Variants in NRG1 observed in about 807,000 individuals in gnomAD.
NRG1 encodes neuregulin 1.
Under a neutral mutation model 63.8 loss-of-function variants are expected in NRG1, and 18 were observed. The observed-to-expected ratio is 0.28, with a 90% CI of 0.19 to 0.42. The LOEUF is 0.42. Ranked by LOEUF, NRG1 falls within the 10% of genes least tolerant of loss-of-function variation. The pLI is 1.00. For synonymous variants in NRG1, 302 were observed against 301.3 expected, an observed-to-expected ratio of 1.00 and a Z score of -0.02; for missense variants, 762 against 814.7, an observed-to-expected ratio of 0.94 and a Z score of 0.79.
At chr8:31,829,546 T>C (rs1824905282) in intron 1 of NRG1, among the ~76,000 whole-genome samples, 1 of 152,236 alleles carries the variant, frequency 6.6e-6, no homozygotes, top group Admixed American at 6.5e-5. Flanking sequence ...TCATGTCTTA[T>C]AGCTACAAGT....
intron 5 of NRG1, among the ~76,000 whole-genome samples, chr8:32,682,525 A>G (rs1440944164): frequency 6.6e-6 from 1 of 152,158 alleles, no homozygotes; most frequent in African/African-American, 2.4e-5. Context: ...GCCTGCTTTT[A>G]ATTTTTCTAA....
At chr8:31,778,540 T>G (rs1187708919) in intron 1 of NRG1, among the ~76,000 whole-genome samples, 1 of 152,238 alleles carries the variant, frequency 6.6e-6, no homozygotes, top group African/African-American at 2.4e-5. Context: ...ACTGTACATC[T>G]AGTCAATGCT....
At chr8:31,943,623 G>A (rs1473576834) in intron 1 of NRG1, among the ~76,000 whole-genome samples, 1 of 152,162 alleles carries the variant, frequency 6.6e-6, no homozygotes, top group Non-Finnish European at 1.5e-5. Context: ...GAGTGAAACA[G>A]TGAAGAAAGG....
rs780871191 is a variant in NRG1, at chr8:32,556,116, A to T, written c.100+7290A>T. Among the ~76,000 whole-genome samples the T allele has an allele frequency of 4.9e-4, 75 of 152,232 alleles. 1 individual carries two copies. Among genetic ancestry groups the T allele is most frequent in the Non-Finnish European group, 1.0e-3 (70 of 68,030 alleles). ...TATGAAATTGTCAGTTTTGTAGGTC[A>T]TACCTGGCTGAATATTGTCCATGTC... On this transcript the variant is annotated intron_variant, in intron 1 of 11. Transcript: ENST00000356819.
chr8:31,742,169 T>G (rs919890300), intron 1 of NRG1, among the ~76,000 whole-genome samples: 3 of 151,962 alleles, frequency 2.0e-5, no homozygotes, highest in African/African-American at 7.2e-5. Flanking sequence ...TGTTTTGAAA[T>G]GCATTCATAT....
At chr8:32,760,788 T>C in intron 11 of NRG1, 1 of 1,021,268 alleles carries the variant, frequency 9.8e-7, no homozygotes, top group African/African-American at 1.7e-5. Context: ...CAATTGCCAG[T>C]TATCCAAACT....
Position 31,963,286 on chromosome 8 carries a change from C to T in NRG1, c.37+323855C>T, listed in dbSNP as rs11784272. Among the ~76,000 whole-genome samples the T allele has an allele frequency of 7.3e-3, 1,116 of 152,282 alleles. 9 individuals carry two copies. The highest frequency in any genetic ancestry group is 0.011 in the Non-Finnish European group (758 of 68,006). On this transcript the variant is annotated intron_variant, in intron 1 of 10. Transcript: ENST00000519301. Reference sequence around the variant, plus strand: ...TGGTCTAATCAACACAATGTGTCAGCTAAATATTTTGATCCATTATTTCAA... The same window carrying T: ...TGGTCTAATCAACACAATGTGTCAGTTAAATATTTTGATCCATTATTTCAA...
At chr8:32,175,478 C>T (rs1307026065) in intron 1 of NRG1, among the ~76,000 whole-genome samples, 1 of 152,122 alleles carries the variant, frequency 6.6e-6, no homozygotes, top group Non-Finnish European at 1.5e-5. Flanking sequence ...GAAGTTTTGG[C>T]CAGGGCTATC....
At chr8:32,312,157 GTTT>G (rs35888973) in intron 1 of NRG1, among the ~76,000 whole-genome samples, 2 of 74,398 alleles carry the variant, frequency 2.7e-5, no homozygotes, top group African/African-American at 1.1e-4. Flanking sequence ...GACCTTGTTT[GTTT>G]TTTTTTTTTT....
intron 1 of NRG1, among the ~76,000 whole-genome samples, chr8:31,821,520 A>G (rs1264007914): frequency 1.3e-5 from 2 of 152,222 alleles, no homozygotes; most frequent in Admixed American, 1.3e-4. Context: ...GAGCATCAGA[A>G]AAGCATTTGT....
chr8:32,686,422 A>G (rs1359282144), intron 5 of NRG1, among the ~76,000 whole-genome samples: 3 of 152,208 alleles, frequency 2.0e-5, no homozygotes, highest in Non-Finnish European at 4.4e-5. Flanking sequence ...TTTTCCTTCA[A>G]ATGACAGCTA....
At chr8:32,298,625 A>C (rs1266374572) in intron 1 of NRG1, among the ~76,000 whole-genome samples, 1 of 151,614 alleles carries the variant, frequency 6.6e-6, no homozygotes, top group African/African-American at 2.4e-5. Flanking sequence ...GAGGCAGGAG[A>C]ATCGCTTGAA....
intron 1 of NRG1, among the ~76,000 whole-genome samples, chr8:31,726,023 C>G (rs1250992665): frequency 6.6e-6 from 1 of 151,966 alleles, no homozygotes; most frequent in Non-Finnish European, 1.5e-5. Flanking sequence ...TTGGAGATTG[C>G]TACATATTTA....
At chr8:32,071,377 T>A (rs895946040) in intron 1 of NRG1, among the ~76,000 whole-genome samples, 1 of 152,204 alleles carries the variant, frequency 6.6e-6, no homozygotes, top group African/African-American at 2.4e-5. Context: ...ACTTGGTTTA[T>A]ATGTGAATGA....
intron 1 of NRG1, among the ~76,000 whole-genome samples, chr8:32,277,609 T>C (rs556247794): frequency 6.6e-6 from 1 of 152,366 alleles, no homozygotes; most frequent in South Asian, 2.1e-4. Flanking sequence ...TAAATTTCAC[T>C]GATCTAATGG....
intron 1 of NRG1, among the ~76,000 whole-genome samples, chr8:32,273,199 G>A (rs936758778): frequency 6.6e-6 from 1 of 152,136 alleles, no homozygotes; most frequent in Non-Finnish European, 1.5e-5. Context: ...GTGCTTTGTG[G>A]TTGTGGGCAG....
At chr8:32,744,045 C>T (rs778788977) in intron 7 of NRG1, among the ~76,000 whole-genome samples, 38 of 151,926 alleles carry the variant, frequency 2.5e-4, no homozygotes, top group Non-Finnish European at 3.4e-4. Flanking sequence ...AATTGCTCAC[C>T]CCGAAAAATA....
chr8:32,608,107 G>GTTTTTTTTTT (rs1224928528), intron 3 of NRG1, among the ~76,000 whole-genome samples: 51 of 104,792 alleles, frequency 4.9e-4, no homozygotes, highest in South Asian at 1.0e-3. Flanking sequence ...TTTTTTTTTT[G>GTTTTTTTTTT]TTTTTTTTTT....
intron 1 of NRG1, among the ~76,000 whole-genome samples, chr8:31,808,625 G>T (rs117046239): frequency 1.3e-5 from 2 of 150,990 alleles, no homozygotes; most frequent in Non-Finnish European, 3.0e-5. Flanking sequence ...TTTATGATTT[G>T]TCTCATAGTT....
Sources: allele counts gnomAD v4.1 joint callset (sites outside exome capture counted in the v4.1 genomes callset), GRCh38; gene constraint gnomAD v4.1.1; transcripts MANE v1.5; gene names NCBI Gene and HGNC (gene_info 2026-07-23, HGNC 2026-07-21).